RANBP17: variants seen among roughly 807,000 people sequenced by gnomAD.
The protein encoded by RANBP17 is RAN binding protein 17, also known as ran-binding protein 17.
A neutral mutation model predicts 141.2 loss-of-function variants in RANBP17; 158 were observed. The observed-to-expected ratio is 1.12, with a 90% CI of 0.98 to 1.28. The LOEUF is 1.28. RANBP17 is among the 50% of genes most tolerant of loss of function. RANBP17 has a pLI of 0.00. For missense variants in RANBP17, 1,438 were observed against 1,290.7 expected (o/e 1.11, Z -1.75); for synonymous variants, 430 against 450.0 (o/e 0.96, Z 0.56).
chr5:170,936,886 G>A (rs1194617181), intron 12 of RANBP17, among the ~76,000 whole-genome samples: 2 of 152,064 alleles, frequency 1.3e-5, no homozygotes, highest in African/African-American at 4.8e-5. Context: ...ATTTGTGATT[G>A]TTATGTCTTC....
intron 12 of RANBP17, among the ~76,000 whole-genome samples, chr5:170,929,829 A>T (rs1217127842): frequency 6.6e-6 from 1 of 152,202 alleles, no homozygotes; most frequent in African/African-American, 2.4e-5. Context: ...CTGTGAAGCC[A>T]GCGGGCCAAG....
chr5:171,213,587 G>A, intron 20 of RANBP17, 44 bp from the exon 21 acceptor site: 7 of 1,364,022 alleles, frequency 5.1e-6, no homozygotes, highest in Non-Finnish European at 7.3e-6. Flanking sequence ...TTCAGAAACA[G>A]TATTTCTTTA....
chr5:171,274,422 G>A (rs1159008779), intron 25 of RANBP17, among the ~76,000 whole-genome samples: 1 of 152,020 alleles, frequency 6.6e-6, no homozygotes, highest in Non-Finnish European at 1.5e-5. Context: ...ATCTTTTCAA[G>A]AATGATCTAG....
At chr5:170,962,821 C>T (rs948381787) in intron 13 of RANBP17, among the ~76,000 whole-genome samples, 2 of 152,070 alleles carry the variant, frequency 1.3e-5, no homozygotes, top group African/African-American at 2.4e-5. Context: ...AAATAAGTAG[C>T]TTTATTTATA....
chr5:171,152,384 T>C, intron 14 of RANBP17, among the ~76,000 whole-genome samples: 2 of 146,572 alleles, frequency 1.4e-5, no homozygotes, highest in Admixed American at 6.9e-5. Flanking sequence ...GCTATTGCAC[T>C]CCAGTCTGGG....
At chr5:171,063,107 T>G (rs1398020230) in intron 14 of RANBP17, among the ~76,000 whole-genome samples, 2 of 152,206 alleles carry the variant, frequency 1.3e-5, no homozygotes, top group Non-Finnish European at 2.9e-5. Flanking sequence ...TGGTTTGAAT[T>G]TCCTCTTATA....
At chr5:171,200,975 A>G (rs1297041131) in intron 19 of RANBP17, among the ~76,000 whole-genome samples, 2 of 152,212 alleles carry the variant, frequency 1.3e-5, no homozygotes, top group Admixed American at 1.3e-4. Flanking sequence ...TGTCTTCCAA[A>G]TATTTTCAGT....
intron 18 of RANBP17, among the ~76,000 whole-genome samples, chr5:171,186,787 C>T (rs956730547): frequency 2.8e-4 from 43 of 151,978 alleles, no homozygotes; most frequent in African/African-American, 9.9e-4. Context: ...CCGCCCGCCT[C>T]GGCCTCCCAA....
intron 14 of RANBP17, among the ~76,000 whole-genome samples, chr5:171,118,239 A>C (rs1320160260): frequency 6.6e-6 from 1 of 152,106 alleles, no homozygotes; most frequent in East Asian, 1.9e-4. Flanking sequence ...TTCTCTATTC[A>C]GTTTTATTGG....
At chr5:171,011,554 T>A (rs1054950602) in intron 14 of RANBP17, among the ~76,000 whole-genome samples, 1 of 152,112 alleles carries the variant, frequency 6.6e-6, no homozygotes, top group Admixed American at 6.6e-5. Flanking sequence ...GCCTTCATAC[T>A]GTGCATTTTG....
At position 171,265,961 on chromosome 5, in the gene RANBP17, A is replaced by AAT. The variant is rs530993601; in HGVS notation, c.2943+127_2943+128dup. ...GCCAAGACTTTTTATACTGGTAAAA[A>AAT]ATATATATATATATTGTCTGGGAGT... On this transcript the variant is annotated intron_variant, in intron 25 of 27. Coordinates refer to ENST00000523189, the MANE Select transcript of RANBP17 (RefSeq NM_022897.5). The AAT allele has an allele frequency of 2.2e-3, 1,645 of 759,856 alleles. 1 individual carries two copies. Among genetic ancestry groups the AAT allele is most frequent in the Admixed American group, 2.9e-3 (97 of 33,668 alleles). 47.1% of individuals were successfully genotyped at this position (759,856 alleles called of 1,614,324 possible).
chr5:171,196,605 T>C (rs1581840899), intron 18 of RANBP17, among the ~76,000 whole-genome samples: 1 of 152,212 alleles, frequency 6.6e-6, no homozygotes, highest in Non-Finnish European at 1.5e-5. Context: ...CTAATGGCTG[T>C]CATTTATTAA....
At chr5:171,281,876 T>A (rs542555556) in intron 25 of RANBP17, among the ~76,000 whole-genome samples, 1 of 152,250 alleles carries the variant, frequency 6.6e-6, no homozygotes, top group South Asian at 2.1e-4. Context: ...AGGGCAGAAG[T>A]TCCACGCTAG....
chr5:171,252,243 A>G, intron 24 of RANBP17: 1 of 1,573,564 alleles, frequency 6.4e-7, no homozygotes, highest in South Asian at 1.1e-5. Context: ...AAGAAGAGAG[A>G]AAGCAAGAAA....
At chr5:170,954,714 T>G (rs1775474573) in intron 13 of RANBP17, among the ~76,000 whole-genome samples, 1 of 152,218 alleles carries the variant, frequency 6.6e-6, no homozygotes, top group Admixed American at 6.5e-5. Flanking sequence ...CTAAATTGTT[T>G]TTAGTTATAT....
intron 14 of RANBP17, among the ~76,000 whole-genome samples, chr5:171,104,100 C>T (rs1217944144): frequency 6.6e-6 from 1 of 152,208 alleles, no homozygotes; most frequent in Non-Finnish European, 1.5e-5. Flanking sequence ...TGCAATGGCA[C>T]AATCTCGGCT....
chr5:170,920,406 A>T (rs1772342468), intron 11 of RANBP17, among the ~76,000 whole-genome samples: 1 of 152,082 alleles, frequency 6.6e-6, no homozygotes, highest in South Asian at 2.1e-4. Flanking sequence ...TTAATGACTA[A>T]TAATGTTGAG....
At chr5:171,067,913 C>G (rs896172874) in intron 14 of RANBP17, among the ~76,000 whole-genome samples, 1 of 152,062 alleles carries the variant, frequency 6.6e-6, no homozygotes, top group African/African-American at 2.4e-5. Flanking sequence ...TTTATAGAGT[C>G]ATATCTTTCA....
At chr5:170,899,875 C>T (rs1770479378) in intron 5 of RANBP17, among the ~76,000 whole-genome samples, 1 of 152,194 alleles carries the variant, frequency 6.6e-6, no homozygotes. Flanking sequence ...CCGACTTGAT[C>T]ATGGTAGATA....
Sources: allele counts gnomAD v4.1 joint callset (sites outside exome capture counted in the v4.1 genomes callset), GRCh38; gene constraint gnomAD v4.1.1; transcripts MANE v1.5; gene names NCBI Gene and HGNC (gene_info 2026-07-23, HGNC 2026-07-21).